Variants in IL16 observed in about 807,000 individuals in gnomAD.
The protein encoded by IL16 is interleukin 16.
Under a neutral mutation model 110.1 loss-of-function variants are expected in IL16, and 67 were observed. The ratio of observed to expected loss-of-function variants is 0.61; its 90% CI spans 0.50 to 0.75. IL16 has a LOEUF of 0.75. Ranked by LOEUF, IL16 falls within the 30% of genes least tolerant of loss-of-function variation. IL16 has a pLI of 0.00. For missense variants in IL16, 1,545 were observed against 1,655.0 expected (o/e 0.93, Z 1.15); for synonymous variants, 689 against 662.9 (o/e 1.04, Z -0.61).
chr15:81,193,782 G>A (rs925530209), upstream of IL16, among the ~76,000 whole-genome samples: 1 of 152,124 alleles, frequency 6.6e-6, no homozygotes, highest in Admixed American at 6.5e-5. Context: ...CTCAGTGTTT[G>A]CATCCGTAAG....
chr15:81,207,884 T>A (rs1053561285), intron 1 of IL16, among the ~76,000 whole-genome samples: 1 of 151,150 alleles, frequency 6.6e-6, no homozygotes, highest in Non-Finnish European at 1.5e-5. Context: ...TTTCTTTGGG[T>A]ATATATGCAG....
chr15:81,292,212 C>A (rs1431782328), intron 11 of IL16: 1 of 375,430 alleles, frequency 2.7e-6, no homozygotes, highest in African/African-American at 2.1e-5. Context: ...CAGCTGTCTG[C>A]AGCTGTGGCA....
intron 1 of IL16, among the ~76,000 whole-genome samples, chr15:81,223,955 G>T (rs1484944233): frequency 6.6e-6 from 1 of 152,188 alleles, no homozygotes. Flanking sequence ...ACAAGAGGGT[G>T]CTTGATAAAA....
chr15:81,271,306 A>T (rs115752073), intron 5 of IL16, among the ~76,000 whole-genome samples: 1,633 of 150,930 alleles, frequency 0.011, 34 homozygotes, highest in African/African-American at 0.038. Context: ...AAAATAAATA[A>T]ATAAATATAT....
chr15:81,273,734 G>A (rs1567030141), intron 6 of IL16, among the ~76,000 whole-genome samples: 1 of 152,050 alleles, frequency 6.6e-6, no homozygotes, highest in Non-Finnish European at 1.5e-5. Flanking sequence ...AAACAATCAG[G>A]CATGATTCCT....
chr15:81,282,723 C>T lies in IL16; in HGVS notation c.1166C>T (p.Pro389Leu). ...ISGIFVHTLS[P>L]GSVAHLDGRL... ...GGCATTTTCGTCCACACGCTGTCAC[C>T]AGGATCCGTGGCGCACCTGGACGGA... is the stretch of plus-strand genomic sequence containing the variant. Residue 389 changes from proline to leucine, a missense_variant, in exon 9 of 19, where the codon CCA becomes CTA. Around this residue, in one of 3 missense-constraint regions of IL16, gnomAD observed 1,185 missense variants for 1,238.8 expected, o/e 0.96. Coordinates refer to ENST00000683961, the MANE Select transcript of IL16 (RefSeq NM_172217.5). 6.2e-7 allele frequency: 1 copy of T among 1,614,148 alleles called. No individual in the cohort carries two copies. Among genetic ancestry groups the T allele is most frequent in the Non-Finnish European group, 8.5e-7 (1 of 1,179,976 alleles).
At chr15:81,186,239 T>C (rs1452945324) in intron 1 of IL16, among the ~76,000 whole-genome samples, 1 of 152,262 alleles carries the variant, frequency 6.6e-6, no homozygotes, top group African/African-American at 2.4e-5. Context: ...TGATCTTACC[T>C]ACAGCGCTTT....
At chr15:81,307,466 G>A (rs1042211026) in intron 18 of IL16, among the ~76,000 whole-genome samples, 3 of 152,198 alleles carry the variant, frequency 2.0e-5, no homozygotes, top group Non-Finnish European at 2.9e-5. Flanking sequence ...GTTCTGCTGC[G>A]GCTGCAGAAA....
chr15:81,279,191 T>C (rs948255417), intron 7 of IL16, among the ~76,000 whole-genome samples: 19 of 152,240 alleles, frequency 1.2e-4, no homozygotes, highest in African/African-American at 4.6e-4. Context: ...TGCTAAATGA[T>C]ATTCCTAAGT....
chr15:81,233,187 T>C (rs1292416141), intron 2 of IL16, among the ~76,000 whole-genome samples: 1 of 152,148 alleles, frequency 6.6e-6, no homozygotes, highest in African/African-American at 2.4e-5. Flanking sequence ...AATTTTGAGA[T>C]AGTTGTAGAT....
intron 12 of IL16, chr15:81,295,343 G>C (rs1899932831): frequency 8.6e-7 from 1 of 1,162,626 alleles, no homozygotes; most frequent in Non-Finnish European, 1.1e-6. Context: ...GGCTAATTCT[G>C]AAGTCTCCCA....
intron 6 of IL16, among the ~76,000 whole-genome samples, chr15:81,276,445 A>G (rs981107747): frequency 1.3e-5 from 2 of 152,202 alleles, no homozygotes; most frequent in African/African-American, 4.8e-5. Flanking sequence ...TCAGATTTGA[A>G]TGCCCACATG....
intron 1 of IL16, among the ~76,000 whole-genome samples, chr15:81,201,427 C>G (rs1895810177): frequency 6.6e-6 from 1 of 152,146 alleles, no homozygotes; most frequent in Non-Finnish European, 1.5e-5. Context: ...CCTCTCAGTT[C>G]TATTTAGAGA....
At position 81,311,884 on chromosome 15, in the gene IL16, T is replaced by C. The variant is rs762256359; in HGVS notation, c.*3086T>C. 1 of 152,220 alleles carries C rather than the reference T, an allele frequency of 6.6e-6. No homozygotes were observed. Among genetic ancestry groups the C allele is most frequent in the African/African-American group, 2.4e-5 (1 of 41,454 alleles). 9.4% of individuals were successfully genotyped at this position (152,220 alleles called of 1,614,324 possible). A position where few individuals can be genotyped will look rare whatever the true frequency, so the allele number is the denominator to read the frequency against. The stretch of plus-strand genomic sequence containing the variant: ...GCAATAGAACAGAGAAAGAGGAAGC[T>C]TTCTGTCTCCTTAACACTGAGCTGT... On this transcript the variant is annotated 3_prime_UTR_variant, in exon 19 of 19. Coordinates refer to ENST00000683961, the MANE Select transcript of IL16 (RefSeq NM_172217.5).
chr15:81,245,381 T>C (rs181516083), intron 2 of IL16, among the ~76,000 whole-genome samples: 5 of 152,328 alleles, frequency 3.3e-5, no homozygotes, highest in Admixed American at 3.3e-4. Context: ...TCGGTCTTTG[T>C]TGACACCCAA....
chr15:81,201,632 T>A (rs952053224), intron 1 of IL16, among the ~76,000 whole-genome samples: 3 of 152,214 alleles, frequency 2.0e-5, no homozygotes, highest in Middle Eastern at 3.2e-3. Flanking sequence ...TGTAGTTAAG[T>A]GGTGTATACA....
At chr15:81,205,993 G>A (rs1896002696) in intron 1 of IL16, among the ~76,000 whole-genome samples, 1 of 152,124 alleles carries the variant, frequency 6.6e-6, no homozygotes. Flanking sequence ...TAAACATAAA[G>A]CGTCGAAATA....
At chr15:81,238,324 C>T (rs1391927548) in intron 2 of IL16, among the ~76,000 whole-genome samples, 1 of 151,944 alleles carries the variant, frequency 6.6e-6, no homozygotes, top group African/African-American at 2.4e-5. Context: ...TTTCTTGTTC[C>T]TCCATTTATT....
chr15:81,263,073 G>T (rs1360501169), intron 3 of IL16, among the ~76,000 whole-genome samples: 1 of 151,984 alleles, frequency 6.6e-6, no homozygotes, highest in East Asian at 1.9e-4. Flanking sequence ...ATTGTGAAAG[G>T]TTTATTTAAT....
Sources: gnomAD v4.1 joint callset for allele counts (sites outside exome capture counted in the v4.1 genomes callset) on GRCh38, gnomAD v4.1.1 for gene constraint, gnomAD v4.1.1 regional missense constraint, MANE v1.5 for transcripts, NCBI Gene and HGNC (gene_info 2026-07-23, HGNC 2026-07-21) for gene names.